Variants in KLHL7 observed in about 807,000 individuals in gnomAD.
KLHL7 encodes kelch like family member 7, also known as kelch-like protein 7.
A neutral mutation model predicts 67.4 loss-of-function variants in KLHL7; 44 were observed. The observed-to-expected ratio is 0.65, with a 90% CI of 0.51 to 0.84. The LOEUF (loss-of-function observed/expected upper bound fraction) is 0.84, where lower values mean the gene tolerates loss of function less well. KLHL7 is among the 40% of genes least tolerant of loss of function. The pLI is 0.00. For missense variants in KLHL7, 362 were observed against 718.1 expected, an observed-to-expected ratio of 0.50 and a Z score of 5.67; for synonymous variants, 252 against 243.3, an observed-to-expected ratio of 1.04 and a Z score of -0.33.
intron 4 of KLHL7, among the ~76,000 whole-genome samples, chr7:23,130,121 T>G (rs771904408): frequency 2.6e-5 from 4 of 152,236 alleles, no homozygotes; most frequent in Non-Finnish European, 5.9e-5. Context: ...ATCATTGGTG[T>G]CTAAACTTTT....
intron 1 of KLHL7, among the ~76,000 whole-genome samples, chr7:23,120,630 G>C (rs1447406145): frequency 9.2e-5 from 14 of 152,068 alleles, no homozygotes; most frequent in Admixed American, 9.2e-4. Flanking sequence ...GCAGTGGCAT[G>C]ATCACAGCTC....
chr7:23,107,659 T>C (rs1045408946), intron 1 of KLHL7, among the ~76,000 whole-genome samples: 2 of 152,202 alleles, frequency 1.3e-5, no homozygotes, highest in African/African-American at 4.8e-5. Context: ...ACCGTTACAA[T>C]AGAAGTACAA....
At chr7:23,125,529 C>A (rs1783535383) in intron 4 of KLHL7, among the ~76,000 whole-genome samples, 1 of 152,100 alleles carries the variant, frequency 6.6e-6, no homozygotes, top group South Asian at 2.1e-4. Flanking sequence ...ACAGATGAGG[C>A]AACTTATAGT....
intron 9 of KLHL7, among the ~76,000 whole-genome samples, chr7:23,170,101 C>G (rs1336038856): frequency 6.6e-6 from 1 of 152,132 alleles, no homozygotes; most frequent in Admixed American, 6.5e-5. Flanking sequence ...GTAATCCCAG[C>G]TATTCAGGAG....
chr7:23,111,914 G>T (rs1454831749), intron 1 of KLHL7, among the ~76,000 whole-genome samples: 1 of 151,356 alleles, frequency 6.6e-6, no homozygotes, highest in Non-Finnish European at 1.5e-5. Flanking sequence ...CAAATAGGAA[G>T]CTGTAGTGGT....
At chr7:23,143,458 A>G (rs917907920) in intron 5 of KLHL7, among the ~76,000 whole-genome samples, 1 of 152,294 alleles carries the variant, frequency 6.6e-6, no homozygotes, top group African/African-American at 2.4e-5. Flanking sequence ...CCTGGAATGG[A>G]CGGCCTCTTG....
chr7:23,174,498 A>T lies in KLHL7; in HGVS notation c.*200A>T. The T allele has an allele frequency of 2.9e-6, 2 of 696,560 alleles. No homozygotes were observed. The highest frequency in any genetic ancestry group is 5.2e-6 in the Non-Finnish European group (2 of 385,156). 43.1% of individuals were successfully genotyped at this position (696,560 alleles called of 1,614,324 possible). On this transcript the variant is annotated 3_prime_UTR_variant, in exon 11 of 11. Coordinates refer to ENST00000339077, the MANE Select transcript of KLHL7 (RefSeq NM_001031710.3). ...CATATTTTAGCTGGCCACAAAACCA[A>T]GAACATATCTAGCAAGAAAACTTGA...
chr7:23,167,725 G>A, intron 8 of KLHL7, 111 bp from the exon 9 acceptor site: 1 of 876,538 alleles, frequency 1.1e-6, no homozygotes, highest in South Asian at 1.4e-5. Context: ...TATGAAAATG[G>A]CCGTATGACC....
rs184621565 is a variant in KLHL7 at position 23,166,575 on chromosome 7, A to G, written c.1177+637A>G. ...TTTTCAAGTAATTTCTTTAGCTTAA[A>G]TAATGGGCTAATAAAGAAAACTAGG... On this transcript the variant is annotated intron_variant, in intron 8 of 10. Transcript: ENST00000339077. Among the ~76,000 whole-genome samples the G allele has an allele frequency of 5.3e-5, 8 of 152,310 alleles. No individual in the cohort carries two copies. The East Asian group carries it at 1.5e-3, about 29-fold the overall frequency.
At chr7:23,117,678 C>T (rs1023539322) in intron 1 of KLHL7, among the ~76,000 whole-genome samples, 5 of 152,124 alleles carry the variant, frequency 3.3e-5, no homozygotes, top group Admixed American at 2.6e-4. Context: ...TCCTGTTTTT[C>T]TCTGCTTTTC....
intron 7 of KLHL7, among the ~76,000 whole-genome samples, chr7:23,153,248 G>A (rs1201047920): frequency 6.6e-6 from 1 of 152,058 alleles, no homozygotes; most frequent in East Asian, 1.9e-4. Context: ...CGCTTCTGCA[G>A]CTCATTATTG....
chr7:23,117,835 G>A lies in KLHL7; in HGVS notation c.121-5942G>A, dbSNP rs773472036. 3.7e-6 allele frequency: 6 copies of A among 1,607,830 alleles called. No homozygotes were observed. In the East Asian group the frequency reaches 1.3e-4, roughly 36 times the overall value. The stretch of plus-strand genomic sequence containing the variant: ...CCTCATTTCCCTTTATGTTTTCAGT[G>A]ATTTAAATCTACCACCCAGCTGTAG... On this transcript the variant is annotated intron_variant, in intron 1 of 10. Transcript: ENST00000339077.
intron 9 of KLHL7, chr7:23,172,056 A>T: frequency 2.3e-6 from 1 of 434,464 alleles, no homozygotes; most frequent in South Asian, 1.6e-5. Flanking sequence ...AATTATAGAG[A>T]GTTACTCTTA....
intron 1 of KLHL7, among the ~76,000 whole-genome samples, chr7:23,117,169 C>G (rs12700415): frequency 0.12 from 17,504 of 144,338 alleles, 1,392 homozygotes; most frequent in South Asian, 0.25. Context: ...CTCACTGCAA[C>G]CTCTGCCTCC....
At chr7:23,140,675 C>A (rs781711335) in intron 4 of KLHL7, 94 bp from the exon 5 acceptor site, 14 of 991,712 alleles carry the variant, frequency 1.4e-5, no homozygotes, top group Non-Finnish European at 2.2e-5. Context: ...GAAATTTACT[C>A]AACTAATTTT....
intron 4 of KLHL7, among the ~76,000 whole-genome samples, chr7:23,136,984 T>C (rs1784000688): frequency 6.6e-6 from 1 of 152,166 alleles, no homozygotes; most frequent in South Asian, 2.1e-4. Flanking sequence ...ATAAAAAATA[T>C]GATTTAAAAT....
At chr7:23,150,711 C>G (rs751482490) in intron 6 of KLHL7, among the ~76,000 whole-genome samples, 1 of 152,150 alleles carries the variant, frequency 6.6e-6, no homozygotes, top group Non-Finnish European at 1.5e-5. Flanking sequence ...CATGGTTATA[C>G]CCATCCACAT....
At chr7:23,159,543 C>A (rs1467485549) in intron 7 of KLHL7, among the ~76,000 whole-genome samples, 4 of 151,648 alleles carry the variant, frequency 2.6e-5, no homozygotes, top group Admixed American at 1.3e-4. Context: ...TCTCCTTCTT[C>A]TTCTTTGAAA....
chr7:23,117,081 CTT>C (rs34692665), intron 1 of KLHL7, among the ~76,000 whole-genome samples: 117 of 68,186 alleles, frequency 1.7e-3, no homozygotes, highest in South Asian at 0.014. Flanking sequence ...AGAGCCAGGC[CTT>C]TTTTTTTTTT....
Sources: gnomAD v4.1 joint callset for allele counts (sites outside exome capture counted in the v4.1 genomes callset) on GRCh38, gnomAD v4.1.1 for gene constraint, MANE v1.5 for transcripts, NCBI Gene and HGNC (gene_info 2026-07-23, HGNC 2026-07-21) for gene names.